The following TAS2R1 variants were observed in gnomAD, a reference collection of about 807,000 sequenced individuals.
TAS2R1 encodes taste 2 receptor member 1, also known as taste receptor type 2 member 1.
For synonymous variants in TAS2R1, 141 were observed against 134.2 expected, an observed-to-expected ratio of 1.05 and a Z score of -0.35; for missense variants, 370 against 353.4, an observed-to-expected ratio of 1.05 and a Z score of -0.38.
chr5:9,799,766 G>A, the TAS2R1 span, among the ~76,000 whole-genome samples: 17 of 152,230 alleles, frequency 1.1e-4, no homozygotes, highest in East Asian at 2.5e-3. Flanking sequence ...CTTGCCAAAC[G>A]GTAAGTGCTA....
the TAS2R1 span, among the ~76,000 whole-genome samples, chr5:9,853,664 A>T: frequency 6.6e-6 from 1 of 151,930 alleles, no homozygotes; most frequent in Admixed American, 6.6e-5. Flanking sequence ...TACACAAGAA[A>T]CCCTTGGCGA....
chr5:9,711,080 C>T (rs1379207469), intron 1 of TAS2R1, among the ~76,000 whole-genome samples: 1 of 151,502 alleles, frequency 6.6e-6, no homozygotes, highest in Middle Eastern at 3.4e-3. Flanking sequence ...TAAAATGATG[C>T]AGCCTCTATG....
chr5:9,744,648 G>C, the TAS2R1 span, among the ~76,000 whole-genome samples: 247 of 152,254 alleles, frequency 1.6e-3, 2 homozygotes, highest in African/African-American at 5.7e-3. Flanking sequence ...TGTCTGGTTT[G>C]TTTATAGCTG....
intron 1 of TAS2R1, among the ~76,000 whole-genome samples, chr5:9,686,149 G>C (rs1181343856): frequency 6.6e-6 from 1 of 152,186 alleles, no homozygotes. Flanking sequence ...ACAGGCGTGT[G>C]CCACCGCGCC....
the TAS2R1 span, among the ~76,000 whole-genome samples, chr5:9,768,558 CT>C: frequency 1.3e-5 from 2 of 152,134 alleles, no homozygotes; most frequent in Non-Finnish European, 2.9e-5. Flanking sequence ...GCCACTGCAT[CT>C]TTCCTCCTCC....
the TAS2R1 span, among the ~76,000 whole-genome samples, chr5:9,744,288 C>T: frequency 6.6e-6 from 1 of 152,176 alleles, no homozygotes; most frequent in Non-Finnish European, 1.5e-5. Flanking sequence ...CAAGCACTCC[C>T]GTTTTTAGTG....
chr5:9,812,268 G>A, the TAS2R1 span, among the ~76,000 whole-genome samples: 4 of 151,978 alleles, frequency 2.6e-5, no homozygotes, highest in Non-Finnish European at 4.4e-5. Context: ...TTCATTAAAT[G>A]AATGACTGGT....
intron 1 of TAS2R1, among the ~76,000 whole-genome samples, chr5:9,694,622 A>G (rs1037791350): frequency 1.3e-5 from 2 of 152,196 alleles, no homozygotes; most frequent in East Asian, 1.9e-4. Context: ...TCTGTTCTTA[A>G]TTGTAGATCT....
the TAS2R1 span, among the ~76,000 whole-genome samples, chr5:9,874,951 G>T: frequency 1.3e-5 from 2 of 152,124 alleles, no homozygotes; most frequent in Non-Finnish European, 2.9e-5. Flanking sequence ...CTGGGTTTAT[G>T]GGCATTCTTA....
At position 9,627,531 on chromosome 5, in the gene TAS2R1, T is replaced by C. The variant is rs1435652424; in HGVS notation, c.*1602A>G. Among the ~76,000 whole-genome samples, 1 of 152,132 alleles carries C rather than the reference T, an allele frequency of 6.6e-6. No homozygotes were observed. The highest frequency in any genetic ancestry group is 1.9e-4 in the East Asian group (1 of 5,202). On this transcript the variant is annotated 3_prime_UTR_variant, in exon 1 of 1. Coordinates refer to ENST00000382492, the MANE Select transcript of TAS2R1 (RefSeq NM_019599.3). ...CATGAGAGTTGTATCATGACAAATTTCTCCCTGAATGTTTGAAATTGCTCC... is the reference window on the plus strand; with the variant it reads ...CATGAGAGTTGTATCATGACAAATTCCTCCCTGAATGTTTGAAATTGCTCC...
chr5:9,665,182 A>T (rs1188798773), intron 1 of TAS2R1, among the ~76,000 whole-genome samples: 12 of 152,184 alleles, frequency 7.9e-5, no homozygotes, highest in Non-Finnish European at 2.9e-5. Context: ...ATTCTTTGAC[A>T]CATGACCTCC....
the TAS2R1 span, among the ~76,000 whole-genome samples, chr5:9,842,333 T>TTTA: frequency 6.8e-6 from 1 of 146,498 alleles, no homozygotes; most frequent in African/African-American, 2.5e-5. Context: ...TTTTTTTTTT[T>TTTA]TTTTTGAGAG....
chr5:9,892,904 T>C, the TAS2R1 span, among the ~76,000 whole-genome samples: 1,419 of 152,270 alleles, frequency 9.3e-3, 28 homozygotes, highest in African/African-American at 0.033. Context: ...TATCCCTGCA[T>C]TCATTTGCCC....
chr5:9,847,443 G>A, the TAS2R1 span, among the ~76,000 whole-genome samples: 1 of 152,150 alleles, frequency 6.6e-6, no homozygotes, highest in Admixed American at 6.5e-5. Flanking sequence ...TCTAGCTCTA[G>A]ACCATCTGTC....
At chr5:9,748,733 C>T in the TAS2R1 span, among the ~76,000 whole-genome samples, 1 of 152,154 alleles carries the variant, frequency 6.6e-6, no homozygotes, top group Non-Finnish European at 1.5e-5. Context: ...GAGTCTGCCT[C>T]TATGACCCAA....
At chr5:9,783,921 C>T in the TAS2R1 span, among the ~76,000 whole-genome samples, 1 of 152,154 alleles carries the variant, frequency 6.6e-6, no homozygotes, top group African/African-American at 2.4e-5. Flanking sequence ...GCCCAGTCTC[C>T]AGAGCTGCGC....
At chr5:9,716,990 T>C (rs181925572), upstream of TAS2R1, among the ~76,000 whole-genome samples, 5 of 152,138 alleles carry the variant, frequency 3.3e-5, no homozygotes, top group East Asian at 9.6e-4. Context: ...TGCCTGAAAG[T>C]AACAAATTCC....
At chr5:9,835,640 G>A in the TAS2R1 span, among the ~76,000 whole-genome samples, 11 of 152,280 alleles carry the variant, frequency 7.2e-5, no homozygotes, top group African/African-American at 1.9e-4. Context: ...CATGAAAGAC[G>A]AGTGATGCCA....
intron 1 of TAS2R1, among the ~76,000 whole-genome samples, chr5:9,666,027 C>T (rs1437913427): frequency 6.6e-6 from 1 of 152,070 alleles, no homozygotes; most frequent in African/African-American, 2.4e-5. Context: ...ACTTACTAAT[C>T]AATCAGGGAG....
Sources: gnomAD v4.1 joint callset for allele counts (sites outside exome capture counted in the v4.1 genomes callset) on GRCh38, gnomAD v4.1.1 for gene constraint, MANE v1.5 for transcripts, NCBI Gene and HGNC (gene_info 2026-07-23, HGNC 2026-07-21) for gene names.